The following UGT1A8 variants were observed in gnomAD, a reference collection of about 807,000 sequenced individuals.
UGT1A8 encodes the protein UDP glucuronosyltransferase family 1 member A8.
A neutral mutation model predicts 45.3 loss-of-function variants in UGT1A8; 39 were observed. The ratio of observed to expected loss-of-function variants is 0.86; its 90% CI spans 0.67 to 1.12. The LOEUF (loss-of-function observed/expected upper bound fraction) is 1.12, where lower values mean the gene tolerates loss of function less well. Ranked by LOEUF, UGT1A8 falls within the 50% of genes most tolerant of loss-of-function variation. The probability of loss-of-function intolerance (pLI) is 0.00; values close to 1 mark genes in which losing one functional copy is unlikely to be tolerated. For synonymous variants in UGT1A8, 275 were observed against 249.2 expected (o/e 1.10, Z -0.97); for missense variants, 719 against 664.9 (o/e 1.08, Z -0.90).
chr2:233,747,677 C>A, intron 1 of UGT1A8: 1 of 1,606,760 alleles, frequency 6.2e-7, no homozygotes, highest in East Asian at 2.2e-5. Flanking sequence ...ACCCAATTTA[C>A]CTCTGTGGGG....
intron 1 of UGT1A8, chr2:233,693,065 T>TG: frequency 1.2e-6 from 2 of 1,614,144 alleles, no homozygotes; most frequent in East Asian, 4.5e-5. Context: ...CTTAGCACTT[T>TG]GGGGCATGGT....
At chr2:233,737,195 G>A (rs1395224472) in intron 1 of UGT1A8, among the ~76,000 whole-genome samples, 2 of 152,236 alleles carry the variant, frequency 1.3e-5, no homozygotes, top group African/African-American at 4.8e-5. Flanking sequence ...CCCTTGCTGA[G>A]CTGCGGTGGA....
intron 1 of UGT1A8, chr2:233,740,861 T>A (rs1691490325): frequency 6.6e-6 from 1 of 151,862 alleles, no homozygotes; most frequent in Admixed American, 6.5e-5. Flanking sequence ...TTCTAAAAAT[T>A]CTTTAAATAA....
At chr2:233,654,781 C>G (rs1272894513) in intron 1 of UGT1A8, among the ~76,000 whole-genome samples, 5 of 152,118 alleles carry the variant, frequency 3.3e-5, no homozygotes, top group Non-Finnish European at 7.4e-5. Context: ...TCCAGTGGCT[C>G]TATGTGAGTA....
At chr2:233,699,979 A>G (rs983427410) in intron 1 of UGT1A8, among the ~76,000 whole-genome samples, 1 of 152,210 alleles carries the variant, frequency 6.6e-6, no homozygotes, top group Non-Finnish European at 1.5e-5. Context: ...CCAACTCCCA[A>G]CAAAGAATTA....
intron 1 of UGT1A8, among the ~76,000 whole-genome samples, chr2:233,765,626 G>A (rs892364448): frequency 2.0e-5 from 3 of 151,774 alleles, no homozygotes; most frequent in Admixed American, 2.0e-4. Context: ...GGTGAGGGGA[G>A]GAACTTAGAG....
At chr2:233,653,520 A>C (rs1575403116) in intron 1 of UGT1A8, among the ~76,000 whole-genome samples, 1 of 152,240 alleles carries the variant, frequency 6.6e-6, no homozygotes. Flanking sequence ...GAGACTTATC[A>C]TGAGGTCAGT....
At chr2:233,738,071 C>T (rs905760849) in intron 1 of UGT1A8, among the ~76,000 whole-genome samples, 5 of 152,114 alleles carry the variant, frequency 3.3e-5, no homozygotes, top group Non-Finnish European at 7.3e-5. Flanking sequence ...AGGTCCCCAC[C>T]TCCTAATCTC....
chr2:233,638,876 C>T (rs1032057992), intron 1 of UGT1A8, among the ~76,000 whole-genome samples: 4 of 152,208 alleles, frequency 2.6e-5, no homozygotes, highest in African/African-American at 9.6e-5. Flanking sequence ...TGACTTTCAG[C>T]TCATGGCAAG....
At chr2:233,649,943 TCTTTGAAGAGATA>T (rs2073697934) in intron 1 of UGT1A8, among the ~76,000 whole-genome samples, 1 of 152,160 alleles carries the variant, frequency 6.6e-6, no homozygotes. Context: ...TCTGTTACAA[TCTTTGAAGAGATA>T]CTTCAAGGTT....
chr2:233,695,661 G>A (rs1257183826), intron 1 of UGT1A8, among the ~76,000 whole-genome samples: 1 of 151,638 alleles, frequency 6.6e-6, no homozygotes, highest in Non-Finnish European at 1.5e-5. Context: ...ATATAAATGA[G>A]AACATGTGGT....
intron 1 of UGT1A8, among the ~76,000 whole-genome samples, chr2:233,719,887 G>C (rs2076812718): frequency 6.6e-6 from 1 of 152,130 alleles, no homozygotes; most frequent in Non-Finnish European, 1.5e-5. Flanking sequence ...CACGGATGAG[G>C]GTCTGTCAGA....
At chr2:233,710,359 A>T (rs1246560621) in intron 1 of UGT1A8, among the ~76,000 whole-genome samples, 1 of 152,246 alleles carries the variant, frequency 6.6e-6, no homozygotes, top group African/African-American at 2.4e-5. Context: ...CAAAGCAGTT[A>T]TACAATTTTA....
intron 1 of UGT1A8, chr2:233,682,849 T>G: frequency 6.5e-7 from 1 of 1,540,284 alleles, no homozygotes; most frequent in Non-Finnish European, 8.7e-7. Flanking sequence ...AATTAAAAGA[T>G]TTCTTACAGA....
chr2:233,769,821 C>T lies in UGT1A8; in HGVS notation c.1295+1382C>T, dbSNP rs1699946575. 1.3e-6 allele frequency: 1 copy of T among 784,900 alleles called. No homozygotes were observed. 48.6% of individuals were successfully genotyped at this position (784,900 alleles called of 1,614,324 possible). A position where few individuals can be genotyped will look rare whatever the true frequency, so the allele number is the denominator to read the frequency against. The stretch of plus-strand genomic sequence containing the variant: ...TATGAGCCGTGATCATGCCACTGCA[C>T]TCCAGCAACCTGGGCAACAGAGTGA... On this transcript the variant is annotated intron_variant, in intron 4 of 4. Transcript: ENST00000373450. The surrounding 1 kb of genome is among the most constrained non-coding windows in gnomAD (Gnocchi z 4.4).
chr2:233,760,873 C>G, intron 1 of UGT1A8: 1 of 1,614,194 alleles, frequency 6.2e-7, no homozygotes, highest in South Asian at 1.1e-5. Context: ...CGTGCCCAGG[C>G]CTCTCTCCTC....
intron 1 of UGT1A8, among the ~76,000 whole-genome samples, chr2:233,699,494 A>G (rs752077741): frequency 1.1e-4 from 17 of 152,338 alleles, no homozygotes; most frequent in Middle Eastern, 3.4e-3. Context: ...TTCTACTTGT[A>G]ATACAAAGAA....
intron 1 of UGT1A8, among the ~76,000 whole-genome samples, chr2:233,703,296 C>G (rs2075730684): frequency 6.6e-6 from 1 of 151,032 alleles, no homozygotes; most frequent in African/African-American, 2.4e-5. Context: ...GTAACATTCC[C>G]TCTTTCATTT....
chr2:233,620,651 G>A (rs1347581728), intron 1 of UGT1A8, among the ~76,000 whole-genome samples: 1 of 152,092 alleles, frequency 6.6e-6, no homozygotes, highest in African/African-American at 2.4e-5. Flanking sequence ...CTTGCAGAAG[G>A]TTATGTGTAT....
Sources: gnomAD v4.1 joint callset for allele counts (sites outside exome capture counted in the v4.1 genomes callset) on GRCh38, gnomAD v4.1.1 for gene constraint, Gnocchi (gnomAD v3.1) non-coding constraint, MANE v1.5 for transcripts, NCBI Gene and HGNC (gene_info 2026-07-23, HGNC 2026-07-21) for gene names.